Variants in TMEM26 observed in about 807,000 individuals in gnomAD.
TMEM26 encodes the protein transmembrane protein 26.
Under a neutral mutation model 28.8 loss-of-function variants are expected in TMEM26, and 38 were observed. The ratio of observed to expected loss-of-function variants is 1.32; its 90% CI spans 1.02 to 1.73. The LOEUF (loss-of-function observed/expected upper bound fraction) is 1.73. TMEM26 is among the 40% of genes most tolerant of loss of function. The pLI is 0.00. For synonymous variants in TMEM26, 227 were observed against 182.9 expected (o/e 1.24, Z -1.95); for missense variants, 518 against 447.1 (o/e 1.16, Z -1.43).
intron 4 of TMEM26, among the ~76,000 whole-genome samples, chr10:61,421,586 C>A (rs924916145): frequency 2.6e-5 from 4 of 152,044 alleles, no homozygotes; most frequent in Non-Finnish European, 5.9e-5. Flanking sequence ...CACAGACAGA[C>A]ACACTGGGGT....
chr10:61,432,430 G>C (rs1243601762), intron 2 of TMEM26, among the ~76,000 whole-genome samples: 1 of 152,004 alleles, frequency 6.6e-6, no homozygotes, highest in Non-Finnish European at 1.5e-5. Flanking sequence ...GGAATCCGAG[G>C]TAAAGTAAGA....
At chr10:61,430,783 T>C (rs1839908743) in intron 3 of TMEM26, among the ~76,000 whole-genome samples, 1 of 152,050 alleles carries the variant, frequency 6.6e-6, no homozygotes, top group Admixed American at 6.6e-5. Flanking sequence ...GTGCAGGGTA[T>C]TGATGGATGG....
chr10:61,417,744 G>T (rs1369641151), intron 4 of TMEM26, among the ~76,000 whole-genome samples: 2 of 151,954 alleles, frequency 1.3e-5, no homozygotes, highest in Admixed American at 6.6e-5. Flanking sequence ...GGGGAAAAAA[G>T]ACTGCACAAA....
chr10:61,436,186 A>G lies in TMEM26; in HGVS notation c.254T>C (p.Leu85Ser), dbSNP rs1156812769. ...AAGAAGTACCTGGGTCTCATGGTGCAATTCAAGAAGCCATAATGATGGAAC... is the reference window on the plus strand; with the variant it reads ...AAGAAGTACCTGGGTCTCATGGTGCGATTCAAGAAGCCATAATGATGGAAC... ...SIVPSLWLLE[L>S]HHETQYCSIQ... Residue 85 changes from leucine (L) to serine (S), a missense_variant, in exon 2 of 6, where the codon TTG becomes TCG. Leu to Ser is a moderately radical substitution (Grantham distance 145). Coordinates refer to ENST00000399298, the MANE Select transcript of TMEM26 (RefSeq NM_178505.8). 1 of 1,608,158 alleles carries G rather than the reference A, an allele frequency of 6.2e-7. No homozygotes were observed. Among genetic ancestry groups the G allele is most frequent in the Non-Finnish European group, 8.5e-7 (1 of 1,175,784 alleles).
At chr10:61,436,318 G>A (rs1234567589) in intron 1 of TMEM26, 70 bp from the exon 2 acceptor site, 12 of 979,566 alleles carry the variant, frequency 1.2e-5, no homozygotes, top group Middle Eastern at 3.2e-4. Context: ...AAATTAAGAG[G>A]AAGAATGAAA....
intron 4 of TMEM26, chr10:61,414,985 T>G: frequency 1.0e-6 from 1 of 985,374 alleles, no homozygotes; most frequent in Non-Finnish European, 1.2e-6. Context: ...AGGGGGACTC[T>G]CCAATGGGTT....
intron 1 of TMEM26, 29 bp from the exon 2 acceptor site, chr10:61,436,277 T>C (rs1840007246): frequency 6.9e-7 from 1 of 1,457,334 alleles, no homozygotes. Context: ...AAAAATAGTT[T>C]AGCTAATTTA....
intron 1 of TMEM26, among the ~76,000 whole-genome samples, chr10:61,436,658 A>G (rs2135321032): frequency 6.6e-6 from 1 of 152,322 alleles, no homozygotes. Context: ...ATATGGCTAC[A>G]TTTTTCAACA....
chr10:61,432,074 G>A (rs1300374251), intron 2 of TMEM26, among the ~76,000 whole-genome samples: 1 of 151,918 alleles, frequency 6.6e-6, no homozygotes, highest in East Asian at 1.9e-4. Flanking sequence ...CTATTTTTAT[G>A]GCTGTGTAGT....
intron 4 of TMEM26, among the ~76,000 whole-genome samples, chr10:61,421,528 C>G (rs898583933): frequency 6.6e-6 from 1 of 151,896 alleles, no homozygotes; most frequent in Non-Finnish European, 1.5e-5. Flanking sequence ...TTAGGGTGGG[C>G]CCTAATCCAA....
chr10:61,421,138 A>G (rs564403197), intron 4 of TMEM26, among the ~76,000 whole-genome samples: 4 of 152,238 alleles, frequency 2.6e-5, no homozygotes, highest in African/African-American at 9.6e-5. Context: ...GTTTTACCCT[A>G]TAATAGAGTG....
intron 2 of TMEM26, among the ~76,000 whole-genome samples, chr10:61,431,915 T>C (rs545574951): frequency 6.6e-6 from 1 of 152,098 alleles, no homozygotes; most frequent in South Asian, 2.1e-4. Context: ...CTGGTGTCTG[T>C]TGTTCCTATC....
chr10:61,444,838 T>C (rs1211287158), intron 1 of TMEM26, among the ~76,000 whole-genome samples: 6 of 152,014 alleles, frequency 3.9e-5, no homozygotes, highest in African/African-American at 7.3e-5. Context: ...AGAATCCTTC[T>C]CCAGACCTCT....
chr10:61,415,278 A>G lies in TMEM26; in HGVS notation c.606-1743T>C, dbSNP rs187807132. On this transcript the variant is annotated intron_variant, in intron 4 of 5. Transcript: ENST00000399298. ...AGTCCACAGTATGACATGATTTATG[A>G]TTTACCAAAATCAAATAAAATCATA... is the stretch of plus-strand genomic sequence containing the variant. 7.9e-5 allele frequency among the ~76,000 whole-genome samples: 12 copies of G among 152,228 alleles called. No individual in the cohort carries two copies. In the East Asian group the frequency reaches 1.9e-3, roughly 24 times the overall value.
intron 1 of TMEM26, among the ~76,000 whole-genome samples, chr10:61,441,152 G>A (rs923661804): frequency 3.3e-5 from 5 of 152,066 alleles, no homozygotes; most frequent in Non-Finnish European, 7.4e-5. Flanking sequence ...CATATATGAA[G>A]GGCTGACCGT....
intron 4 of TMEM26, among the ~76,000 whole-genome samples, chr10:61,423,189 T>G (rs117098428): frequency 0.027 from 4,143 of 152,248 alleles, 91 homozygotes; most frequent in Middle Eastern, 0.065. Flanking sequence ...AAAGTAATGA[T>G]ATTAAATTGA....
At chr10:61,431,069 A>C in intron 3 of TMEM26, 150 bp downstream of exon 3, 2 of 591,834 alleles carry the variant, frequency 3.4e-6, no homozygotes, top group East Asian at 6.0e-5. Context: ...ATAATTTAAA[A>C]ATATAATTAT....
chr10:61,410,228 T>C lies in TMEM26; in HGVS notation c.*94A>G. The C allele has an allele frequency of 5.9e-6, 8 of 1,347,102 alleles. No homozygotes were observed. In the South Asian group the frequency reaches 1.0e-4, roughly 17 times the overall value. The allele number at this position is 1,347,102 out of a possible 1,614,324, so 83.4% of individuals were successfully genotyped here. ...CCTTTTTATGTTGTTCTTTTGAAAA[T>C]TATTATACGCCAAGGTTGGAGGAGA... On this transcript the variant is annotated 3_prime_UTR_variant, in exon 6 of 6. Coordinates refer to ENST00000399298, the MANE Select transcript of TMEM26 (RefSeq NM_178505.8).
At chr10:61,449,456 G>A (rs927219749) in intron 1 of TMEM26, among the ~76,000 whole-genome samples, 1 of 152,168 alleles carries the variant, frequency 6.6e-6, no homozygotes, top group Admixed American at 6.5e-5. Flanking sequence ...CTTTCCAAAG[G>A]ATAGCTAAAG....
Sources: gnomAD v4.1 joint callset for allele counts (sites outside exome capture counted in the v4.1 genomes callset) on GRCh38, gnomAD v4.1.1 for gene constraint, MANE v1.5 for transcripts, NCBI Gene and HGNC (gene_info 2026-07-23, HGNC 2026-07-21) for gene names.